Variants in PACS2 observed in about 807,000 individuals in gnomAD.
PACS2 encodes PACS1-like protein.
In PACS2, 36 loss-of-function variants were observed where a neutral mutation model predicts 113.0. That is an observed-to-expected ratio of 0.32 (90% CI 0.24 to 0.42). The LOEUF (loss-of-function observed/expected upper bound fraction) is 0.42. Among genes scored for constraint, PACS2 ranks in the 10% least tolerant of loss-of-function variants. PACS2 has a pLI of 1.00. For synonymous variants in PACS2, 589 were observed against 536.1 expected (o/e 1.10, Z -1.36); for missense variants, 1,015 against 1,239.5 (o/e 0.82, Z 2.72).
In PACS2 at chr14:105,366,015, A is replaced by G. The variant is rs2141134262; in HGVS notation, c.424-1198A>G. Among the ~76,000 whole-genome samples, 1 of 152,336 alleles carries G rather than the reference A, an allele frequency of 6.6e-6. No individual in the cohort carries two copies. The highest frequency in any genetic ancestry group is 2.1e-4 in the South Asian group (1 of 4,824). On this transcript the variant is annotated intron_variant, in intron 4 of 24. Transcript: ENST00000447393. This position sits in a 1 kb window ranked among gnomAD's most constrained non-coding sequence, Gnocchi z 4.3. ...TTTAAACATTTTTTTACCTTGATTA[A>G]TTGAAGAATTAGCAGCCCAAATCAG...
rs1260893481 is a variant in PACS2, at chr14:105,376,636, G to A, written c.802-132G>A. 1.4e-5 allele frequency: 10 copies of A among 738,662 alleles called. No homozygotes were observed. The highest frequency in any genetic ancestry group is 8.4e-5 in the East Asian group (3 of 35,818). The allele number at this position is 738,662 out of a possible 1,614,324, so 45.8% of individuals were successfully genotyped here. On this transcript the variant is annotated intron_variant, in intron 8 of 24. Coordinates refer to ENST00000447393, the MANE Select transcript of PACS2 (RefSeq NM_001100913.3). The surrounding 1 kb of genome is among the most constrained non-coding windows in gnomAD (Gnocchi z 4.7). ...CCAAGACAGAAGCTGGACTACAGCC[G>A]TGCTGAGTGGAGGGGTTTGGTGGCT...
chr14:105,331,230 C>T (rs1396771559), intron 1 of PACS2, among the ~76,000 whole-genome samples: 1 of 152,172 alleles, frequency 6.6e-6, no homozygotes, highest in Non-Finnish European at 1.5e-5. Flanking sequence ...GCTGGGATTA[C>T]AGGCATGAGC....
chr14:105,360,087 A>G (rs370709640), intron 4 of PACS2, among the ~76,000 whole-genome samples: 5 of 152,334 alleles, frequency 3.3e-5, no homozygotes, highest in African/African-American at 9.6e-5. Flanking sequence ...TTGTGTGTTC[A>G]GTTCTAGGCC....
chr14:105,319,596 A>G (rs1412258936), intron 1 of PACS2, among the ~76,000 whole-genome samples: 2 of 152,116 alleles, frequency 1.3e-5, no homozygotes, highest in African/African-American at 2.4e-5. Flanking sequence ...ATTATTTTGT[A>G]TTTTCAAAAT....
intron 19 of PACS2, chr14:105,388,709 GCA>G (rs2081260443): frequency 1.3e-5 from 2 of 152,310 alleles, no homozygotes; most frequent in African/African-American, 2.4e-5. Flanking sequence ...CACTGTGTGT[GCA>G]CAGTCTCCGC....
intron 1 of PACS2, among the ~76,000 whole-genome samples, chr14:105,331,717 T>C (rs1376763966): frequency 6.6e-6 from 1 of 152,234 alleles, no homozygotes; most frequent in East Asian, 1.9e-4. Context: ...GAAGGAGAGC[T>C]GAAATGCAGG....
At chr14:105,347,850 T>A (rs2060000433) in intron 1 of PACS2, among the ~76,000 whole-genome samples, 1 of 152,142 alleles carries the variant, frequency 6.6e-6, no homozygotes, top group Admixed American at 6.5e-5. Flanking sequence ...GGAGATGGCA[T>A]GTTCACACGG....
chr14:105,325,086 A>G (rs980785920), intron 1 of PACS2, among the ~76,000 whole-genome samples: 3 of 151,692 alleles, frequency 2.0e-5, no homozygotes, highest in Non-Finnish European at 4.4e-5. Flanking sequence ...GGACACAGGC[A>G]GCACCTGGCC....
chr14:105,365,932 G>T lies in PACS2; in HGVS notation c.424-1281G>T, dbSNP rs1555407858. Among the ~76,000 whole-genome samples the T allele has an allele frequency of 6.6e-6, 1 of 152,258 alleles. No homozygotes were observed. Among genetic ancestry groups the T allele is most frequent in the African/African-American group, 2.4e-5 (1 of 41,464 alleles). On this transcript the variant is annotated intron_variant, in intron 4 of 24. Coordinates refer to ENST00000447393, the MANE Select transcript of PACS2 (RefSeq NM_001100913.3). The surrounding 1 kb of genome is among the most constrained non-coding windows in gnomAD (Gnocchi z 5.1). ...TCAGCAGTGGGTGCGAGTGTTGGCAGAAGCTGCCAGCTGCCCTTCGTCATT... is the reference window on the plus strand; with the variant it reads ...TCAGCAGTGGGTGCGAGTGTTGGCATAAGCTGCCAGCTGCCCTTCGTCATT...
At position 105,383,084 on chromosome 14, in the gene PACS2, G is replaced by A; in HGVS notation, c.1625+171G>A. The A allele has an allele frequency of 4.8e-6, 3 of 626,728 alleles. No individual in the cohort carries two copies. In the South Asian group the frequency reaches 5.6e-5, roughly 12 times the overall value. The allele number at this position is 626,728 out of a possible 1,614,324, so 38.8% of individuals were successfully genotyped here. ...GCAGCCTGGCCTCCCCTCAGTTGTG[G>A]GCGGGAGCAGCAGCCTGGTGGGTGT... On this transcript the variant is annotated intron_variant, in intron 15 of 24. Coordinates refer to ENST00000447393, the MANE Select transcript of PACS2 (RefSeq NM_001100913.3).
At chr14:105,379,125 G>C (rs905344420) in intron 9 of PACS2, among the ~76,000 whole-genome samples, 2 of 152,200 alleles carry the variant, frequency 1.3e-5, no homozygotes, top group African/African-American at 4.8e-5. Flanking sequence ...GGATTTGCCT[G>C]AGTGGTCTGG....
At chr14:105,363,146 C>T (rs1555407037) in intron 4 of PACS2, among the ~76,000 whole-genome samples, 2 of 152,142 alleles carry the variant, frequency 1.3e-5, no homozygotes, top group Non-Finnish European at 2.9e-5. Context: ...TTGCATAATT[C>T]TTAAGGGCCC....
chr14:105,330,887 G>A lies in PACS2; in HGVS notation c.119+15850G>A, dbSNP rs900802149. Among the ~76,000 whole-genome samples, 33 of 152,116 alleles carry A rather than the reference G, an allele frequency of 2.2e-4. No homozygotes were observed. The highest frequency in any genetic ancestry group is 6.8e-4 in the African/African-American group (28 of 41,408). On this transcript the variant is annotated intron_variant, in intron 1 of 24. Coordinates refer to ENST00000447393, the MANE Select transcript of PACS2 (RefSeq NM_001100913.3). The surrounding 1 kb of genome is among the most constrained non-coding windows in gnomAD (Gnocchi z 6.9). ...CATGCAGCCTCTACCGGCATCTCAC[G>A]TGATGTCAACCTTCTGGGTCCTTGG... is the stretch of plus-strand genomic sequence containing the variant.
chr14:105,327,815 C>T (rs1456425052), intron 1 of PACS2, among the ~76,000 whole-genome samples: 5 of 152,168 alleles, frequency 3.3e-5, no homozygotes, highest in Admixed American at 6.5e-5. Context: ...CCAGGCCACC[C>T]GAGGGGCCAT....
At chr14:105,342,581 T>G (rs181534530) in intron 1 of PACS2, among the ~76,000 whole-genome samples, 1 of 152,082 alleles carries the variant, frequency 6.6e-6, no homozygotes, top group Admixed American at 6.5e-5. Context: ...GAGCTTCTTG[T>G]TTGCAGTTGG....
At chr14:105,389,929 G>A (rs782317501) in intron 19 of PACS2, 32 bp from the exon 20 acceptor site, 3 of 1,604,896 alleles carry the variant, frequency 1.9e-6, no homozygotes, top group African/African-American at 2.7e-5. Context: ...GTGCCCTGAG[G>A]AGAGCTTAAC....
Position 105,356,353 on chromosome 14 carries a change from C to T in PACS2, c.423+1176C>T, listed in dbSNP as rs976108926. Among the ~76,000 whole-genome samples the T allele has an allele frequency of 1.2e-4, 18 of 152,328 alleles. No homozygotes were observed. The highest frequency in any genetic ancestry group is 4.1e-4 in the African/African-American group (17 of 41,584). ...AAGCAGCAGTGGCGTCCCGAGGCCT[C>T]GCTTCTCCGTGCCGCCGCAGGGCCT... On this transcript the variant is annotated intron_variant, in intron 4 of 24. Transcript: ENST00000447393. This position sits in a 1 kb window ranked among gnomAD's most constrained non-coding sequence, Gnocchi z 4.0.
chr14:105,397,520 TAGAC>T lies in PACS2; in HGVS notation c.*2853_*2856del, dbSNP rs1362783086. On this transcript the variant is annotated 3_prime_UTR_variant, in exon 25 of 25. Transcript: ENST00000447393. ...CTGGTGGCCACTGTCCACTATTACGTAGACAGACCCCACCCTCACCCAGGCCAGC... is the reference window on the plus strand; with the variant it reads ...CTGGTGGCCACTGTCCACTATTACGTAGACCCCACCCTCACCCAGGCCAGC... 4 of 152,236 alleles carry T rather than the reference TAGAC, an allele frequency of 2.6e-5. No individual in the cohort carries two copies. Among genetic ancestry groups the T allele is most frequent in the Non-Finnish European group, 4.4e-5 (3 of 68,102 alleles). The allele number at this position is 152,236 out of a possible 1,614,324, so 9.4% of individuals were successfully genotyped here.
intron 1 of PACS2, among the ~76,000 whole-genome samples, chr14:105,320,015 G>A (rs1158771442): frequency 6.6e-6 from 1 of 152,146 alleles, no homozygotes; most frequent in Non-Finnish European, 1.5e-5. Flanking sequence ...GTCTCGCTCT[G>A]TTACCAGGCT....
Sources: allele counts gnomAD v4.1 joint callset (sites outside exome capture counted in the v4.1 genomes callset), GRCh38; gene constraint gnomAD v4.1.1; non-coding constraint Gnocchi (gnomAD v3.1); transcripts MANE v1.5; gene names NCBI Gene and HGNC (gene_info 2026-07-23, HGNC 2026-07-21).